Variants in TMEM255A observed in about 807,000 individuals in gnomAD.
The protein encoded by TMEM255A is family with sequence similarity 70, member A.
TMEM255A carries 14 observed loss-of-function variants against 23.5 expected under a neutral mutation model. The observed-to-expected ratio is 0.60, with a 90% CI of 0.39 to 0.93. The LOEUF (loss-of-function observed/expected upper bound fraction) is 0.93, where lower values mean the gene tolerates loss of function less well. Among genes scored for constraint, TMEM255A ranks in the 40% least tolerant of loss-of-function variants. TMEM255A has a pLI of 0.00. For missense variants in TMEM255A, 233 were observed against 261.7 expected, an observed-to-expected ratio of 0.89 and a Z score of 0.76; for synonymous variants, 104 against 100.3, an observed-to-expected ratio of 1.04 and a Z score of -0.22.
chrX:120,302,668 G>A (rs998589926), intron 2 of TMEM255A, among the ~76,000 whole-genome samples: 7 of 111,237 alleles, frequency 6.3e-5, no homozygotes, highest in Non-Finnish European at 1.9e-5. Flanking sequence ...GCTGGGAGGA[G>A]CCCTGCCTGC....
At chrX:120,269,428 T>G (rs1275938340) in intron 7 of TMEM255A, among the ~76,000 whole-genome samples, 1 of 112,193 alleles carries the variant, frequency 8.9e-6, no homozygotes, top group Non-Finnish European at 1.9e-5. Context: ...CAATGTGTCT[T>G]CCTTTTGGAA....
intron 5 of TMEM255A, chrX:120,285,655 A>G: frequency 8.3e-7 from 1 of 1,211,376 alleles, no homozygotes; most frequent in Non-Finnish European, 1.1e-6. Context: ...GGTTCCTCAT[A>G]ACCCTCGTGG....
intron 6 of TMEM255A, among the ~76,000 whole-genome samples, chrX:120,284,831 T>G (rs12837358): frequency 0.019 from 2,124 of 111,617 alleles, 61 homozygotes; most frequent in African/African-American, 0.066. Context: ...TATTTTCAAG[T>G]TCTGTGTAAC....
chrX:120,296,007 T>G (rs1361399578), intron 2 of TMEM255A, among the ~76,000 whole-genome samples: 1 of 112,232 alleles, frequency 8.9e-6, no homozygotes, highest in Non-Finnish European at 1.9e-5. Flanking sequence ...CCCCCTCTGA[T>G]GTTCCACGGC....
intron 1 of TMEM255A, among the ~76,000 whole-genome samples, chrX:120,308,739 G>A (rs782238331): frequency 1.2e-3 from 136 of 112,035 alleles, no homozygotes; most frequent in African/African-American, 4.3e-3. Context: ...GCGCCTGGGG[G>A]CGGTGTTGCC....
intron 7 of TMEM255A, among the ~76,000 whole-genome samples, chrX:120,271,046 T>C (rs2057756450): frequency 9.0e-6 from 1 of 111,394 alleles, no homozygotes; most frequent in Non-Finnish European, 1.9e-5. Context: ...GATCTTTGCT[T>C]TCATTTTTTT....
intron 1 of TMEM255A, among the ~76,000 whole-genome samples, chrX:120,307,971 C>T (rs993063034): frequency 1.8e-5 from 2 of 111,681 alleles, no homozygotes; most frequent in Non-Finnish European, 3.8e-5. Context: ...CTCCACCCTT[C>T]CAAAAACAAC....
At chrX:120,253,409 T>G in the TMEM255A span, 4 of 1,196,417 alleles carry the variant, frequency 3.3e-6, no homozygotes, top group Non-Finnish European at 3.4e-6. Context: ...CTCTTTCTCT[T>G]AAAGGCATGG....
chrX:120,285,899 G>A, intron 5 of TMEM255A: 1 of 1,184,590 alleles, frequency 8.4e-7, no homozygotes, highest in Non-Finnish European at 1.1e-6. Context: ...TCTCTTGTTA[G>A]CAAGAAATTG....
intron 2 of TMEM255A, among the ~76,000 whole-genome samples, chrX:120,303,732 G>T (rs2058047237): frequency 9.1e-6 from 1 of 109,739 alleles, no homozygotes; most frequent in African/African-American, 3.3e-5. Flanking sequence ...CACACTAAGT[G>T]CATATTATCT....
chrX:120,295,929 G>A (rs782631695), intron 2 of TMEM255A, among the ~76,000 whole-genome samples: 1 of 111,776 alleles, frequency 8.9e-6, no homozygotes, highest in Non-Finnish European at 1.9e-5. Flanking sequence ...AACCTGACTT[G>A]AGCTGGAAAA....
chrX:120,308,211 G>C (rs1216288853), intron 1 of TMEM255A, among the ~76,000 whole-genome samples: 1 of 112,000 alleles, frequency 8.9e-6, no homozygotes, highest in East Asian at 2.8e-4. Flanking sequence ...CGTGGGTCTG[G>C]TCCACAACCC....
At chrX:120,265,814 A>G (rs781918173) in intron 8 of TMEM255A, among the ~76,000 whole-genome samples, 2 of 111,179 alleles carry the variant, frequency 1.8e-5, no homozygotes, top group African/African-American at 3.3e-5. Context: ...AATGCTTAGT[A>G]CATAGTAAGT....
chrX:120,261,576 C>T (rs2057680669), intron 8 of TMEM255A, among the ~76,000 whole-genome samples: 1 of 110,935 alleles, frequency 9.0e-6, no homozygotes, highest in Admixed American at 9.5e-5. Context: ...TCTTCTGACT[C>T]CAAGTCCAAC....
intron 7 of TMEM255A, among the ~76,000 whole-genome samples, chrX:120,274,320 A>T (rs781796867): frequency 1.3e-4 from 14 of 111,936 alleles, no homozygotes; most frequent in Non-Finnish European, 2.4e-4. Flanking sequence ...AAAAAGTTCT[A>T]GAACTAGACA....
chrX:120,310,621 G>T (rs1429936418), intron 1 of TMEM255A, among the ~76,000 whole-genome samples: 1 of 109,862 alleles, frequency 9.1e-6, no homozygotes, highest in Non-Finnish European at 1.9e-5. Flanking sequence ...TGATCCCGCC[G>T]CTGCAGAGGG....
chrX:120,293,143 C>T (rs910757640), intron 3 of TMEM255A, among the ~76,000 whole-genome samples: 6 of 112,674 alleles, frequency 5.3e-5, no homozygotes, highest in Admixed American at 3.7e-4. Context: ...TCTGATTAAA[C>T]TTGCTGTGAA....
intron 2 of TMEM255A, among the ~76,000 whole-genome samples, chrX:120,298,104 A>G (rs910074314): frequency 9.8e-6 from 1 of 101,631 alleles, no homozygotes; most frequent in African/African-American, 4.2e-5. Flanking sequence ...CACTTGTGGA[A>G]AAAAAAAAAA....
the TMEM255A span, among the ~76,000 whole-genome samples, chrX:120,251,921 GT>G: frequency 4.4e-5 from 5 of 112,416 alleles, no homozygotes; most frequent in South Asian, 1.8e-3. Flanking sequence ...ATTGCGTGCC[GT>G]TTTCAGAAAA....
Sources: gnomAD v4.1 joint callset for allele counts (sites outside exome capture counted in the v4.1 genomes callset) on GRCh38, gnomAD v4.1.1 for gene constraint, MANE v1.5 for transcripts, NCBI Gene and HGNC (gene_info 2026-07-23, HGNC 2026-07-21) for gene names.